Variants in TIAM2 observed in about 807,000 individuals in gnomAD.
TIAM2 encodes the protein TIAM Rac1 associated GEF 2, also known as rho guanine nucleotide exchange factor TIAM2.
TIAM2 carries 80 observed loss-of-function variants against 152.9 expected under a neutral mutation model. The observed-to-expected ratio is 0.52, with a 90% confidence interval of 0.44 to 0.63. TIAM2 has a LOEUF of 0.63. Among genes scored for constraint, TIAM2 ranks in the 30% least tolerant of loss-of-function variants. TIAM2 has a pLI of 0.00. For synonymous variants in TIAM2, 804 were observed against 838.0 expected (o/e 0.96, Z 0.70); for missense variants, 1,965 against 2,120.1 (o/e 0.93, Z 1.44).
intron 7 of TIAM2, among the ~76,000 whole-genome samples, chr6:155,153,763 A>C (rs1182406999): frequency 6.6e-6 from 1 of 151,796 alleles, no homozygotes; most frequent in African/African-American, 2.4e-5. Context: ...CTGGGATTAC[A>C]GGCACCCACC....
intron 1 of TIAM2, among the ~76,000 whole-genome samples, chr6:155,069,156 G>A (rs550530593): frequency 2.6e-5 from 4 of 152,084 alleles, no homozygotes; most frequent in East Asian, 1.9e-4. Flanking sequence ...GTGCAGTGAC[G>A]CAGTCTCGAC....
chr6:155,182,370 T>C, intron 13 of TIAM2, 52 bp downstream of exon 13: 2 of 1,429,592 alleles, frequency 1.4e-6, no homozygotes, highest in South Asian at 1.2e-5. Flanking sequence ...AACTGTGGGA[T>C]ACAGTCTGGC....
At chr6:155,206,704 T>C (rs1413537845) in intron 14 of TIAM2, among the ~76,000 whole-genome samples, 5 of 152,214 alleles carry the variant, frequency 3.3e-5, no homozygotes, top group Non-Finnish European at 5.9e-5. Context: ...ACTTGGGACA[T>C]TGCAGCTCTG....
At chr6:155,256,361 C>G in intron 26 of TIAM2, 123 bp from the exon 27 acceptor site, 1 of 1,411,372 alleles carries the variant, frequency 7.1e-7, no homozygotes, top group South Asian at 1.4e-5. Flanking sequence ...AGGATAGTTG[C>G]TAACTGAAGT....
intron 14 of TIAM2, among the ~76,000 whole-genome samples, chr6:155,210,680 A>G (rs1175726386): frequency 1.3e-5 from 2 of 152,176 alleles, no homozygotes; most frequent in African/African-American, 4.8e-5. Flanking sequence ...ATAAGGGTTT[A>G]CTGATCCTCT....
At chr6:155,014,328 T>G (rs1414009631) in intron 1 of TIAM2, among the ~76,000 whole-genome samples, 1 of 152,240 alleles carries the variant, frequency 6.6e-6, no homozygotes, top group Non-Finnish European at 1.5e-5. Flanking sequence ...GTTTAATTCA[T>G]AGGCATCAAA....
chr6:155,182,106 C>T (rs768851915), intron 12 of TIAM2, 120 bp from the exon 13 acceptor site: 141 of 757,288 alleles, frequency 1.9e-4, no homozygotes, highest in Admixed American at 1.7e-4. Flanking sequence ...GCTGTAATTT[C>T]GACTTTCTCA....
At chr6:155,169,941 C>T (rs1183908218) in intron 9 of TIAM2, among the ~76,000 whole-genome samples, 1 of 152,140 alleles carries the variant, frequency 6.6e-6, no homozygotes, top group Non-Finnish European at 1.5e-5. Context: ...GCCTCAGCCT[C>T]CTGAGTAGCT....
intron 2 of TIAM2, among the ~76,000 whole-genome samples, chr6:155,093,253 T>C (rs1341114778): frequency 6.6e-6 from 1 of 152,200 alleles, no homozygotes; most frequent in Non-Finnish European, 1.5e-5. Context: ...TATGAAAATG[T>C]ATGTCACACT....
At chr6:155,202,313 G>A (rs1781490242) in intron 14 of TIAM2, among the ~76,000 whole-genome samples, 1 of 152,170 alleles carries the variant, frequency 6.6e-6, no homozygotes. Context: ...AGTGAAAGGT[G>A]GCACAAACCA....
At chr6:155,219,624 T>C (rs1781972456) in intron 15 of TIAM2, among the ~76,000 whole-genome samples, 1 of 152,182 alleles carries the variant, frequency 6.6e-6, no homozygotes, top group Non-Finnish European at 1.5e-5. Context: ...TGGATTTTTT[T>C]TTAAAAAATT....
At chr6:155,191,840 T>TC (rs1781213413) in intron 14 of TIAM2, among the ~76,000 whole-genome samples, 1 of 151,636 alleles carries the variant, frequency 6.6e-6, no homozygotes, top group Non-Finnish European at 1.5e-5. Flanking sequence ...AATAATGGGG[T>TC]ATTTTTCTGC....
intron 1 of TIAM2, among the ~76,000 whole-genome samples, chr6:155,028,846 T>A (rs1006320467): frequency 7.6e-6 from 1 of 131,914 alleles, no homozygotes; most frequent in South Asian, 2.3e-4. Context: ...TATACTATGT[T>A]ATATATACAC....
At chr6:155,050,613 C>T (rs181646549) in intron 1 of TIAM2, among the ~76,000 whole-genome samples, 214 of 152,320 alleles carry the variant, frequency 1.4e-3, no homozygotes, top group African/African-American at 4.3e-3. Context: ...TGAGAGGCTG[C>T]GTGCTTTCCT....
intron 14 of TIAM2, among the ~76,000 whole-genome samples, chr6:155,187,481 T>C (rs1275586391): frequency 6.6e-6 from 1 of 151,834 alleles, no homozygotes; most frequent in African/African-American, 2.4e-5. Flanking sequence ...CCTGCTGAGC[T>C]TAATGAAAAT....
intron 1 of TIAM2, among the ~76,000 whole-genome samples, chr6:155,064,054 A>G (rs780765921): frequency 2.0e-5 from 3 of 152,216 alleles, no homozygotes; most frequent in Non-Finnish European, 4.4e-5. Context: ...CAGCATATGC[A>G]TCATATGTAA....
chr6:155,058,329 T>A (rs1301580490), intron 1 of TIAM2, among the ~76,000 whole-genome samples: 1 of 152,142 alleles, frequency 6.6e-6, no homozygotes, highest in Non-Finnish European at 1.5e-5. Flanking sequence ...GAGAATGGGG[T>A]TGGGCATTAG....
At chr6:155,055,823 C>A (rs147381602) in intron 1 of TIAM2, among the ~76,000 whole-genome samples, 92 of 151,388 alleles carry the variant, frequency 6.1e-4, no homozygotes, top group African/African-American at 2.2e-3. Flanking sequence ...CATTTTCAGG[C>A]ATAGTGGTGC....
rs1562359013 is a variant in TIAM2, at chr6:155,221,149, A to AC, written c.3168+9843dup. Among the ~76,000 whole-genome samples, 16 of 150,716 alleles carry AC rather than the reference A, an allele frequency of 1.1e-4. 1 individual carries two copies. In the South Asian group the frequency reaches 1.3e-3, roughly 12 times the overall value. On this transcript the variant is annotated intron_variant, in intron 15 of 26. Transcript: ENST00000682666. ...TTGAAAAAAAAAAAAACAAAAAAAA[A>AC]CACAAGTTATTATTCAGAGTCATCT...
Sources: gnomAD v4.1 joint callset for allele counts (sites outside exome capture counted in the v4.1 genomes callset) on GRCh38, gnomAD v4.1.1 for gene constraint, MANE v1.5 for transcripts, NCBI Gene and HGNC (gene_info 2026-07-23, HGNC 2026-07-21) for gene names.